The following GORASP2 variants were observed in gnomAD, a reference collection of about 807,000 sequenced individuals.
GORASP2 encodes the protein Golgi reassembly-stacking protein 2.
Under a neutral mutation model 45.7 loss-of-function variants are expected in GORASP2, and 22 were observed. The observed-to-expected ratio is 0.48, with a 90% CI of 0.34 to 0.69. The LOEUF is 0.69. GORASP2 is among the 30% of genes least tolerant of loss of function. The pLI, the probability that GORASP2 is intolerant of heterozygous loss-of-function variation, is 0.01. For synonymous variants in GORASP2, 221 were observed against 215.6 expected, an observed-to-expected ratio of 1.02 and a Z score of -0.22; for missense variants, 491 against 562.7, an observed-to-expected ratio of 0.87 and a Z score of 1.29.
chr2:170,929,687 C>T, intron 1 of GORASP2: 11 of 637,160 alleles, frequency 1.7e-5, no homozygotes, highest in South Asian at 1.4e-4. Context: ...GGGGGGACAA[C>T]CTTGCTCTTT....
At chr2:170,941,167 T>C (rs1704069343) in intron 1 of GORASP2, among the ~76,000 whole-genome samples, 1 of 152,214 alleles carries the variant, frequency 6.6e-6, no homozygotes, top group Non-Finnish European at 1.5e-5. Context: ...TTTTGTAAGC[T>C]AACCTCAGAT....
intron 7 of GORASP2, among the ~76,000 whole-genome samples, chr2:170,957,941 G>A (rs926664401): frequency 6.6e-6 from 1 of 152,116 alleles, no homozygotes; most frequent in East Asian, 1.9e-4. Flanking sequence ...TTACAGGTGC[G>A]AGTCATGGCT....
At chr2:170,936,117 G>A (rs752423241) in intron 1 of GORASP2, among the ~76,000 whole-genome samples, 2 of 151,316 alleles carry the variant, frequency 1.3e-5, no homozygotes, top group Non-Finnish European at 1.5e-5. Flanking sequence ...TGTTCATTTT[G>A]CTTACTTTAA....
intron 8 of GORASP2, among the ~76,000 whole-genome samples, chr2:170,962,094 G>GCAGT (rs1179726308): frequency 6.6e-6 from 1 of 152,214 alleles, no homozygotes; most frequent in African/African-American, 2.4e-5. Context: ...GGATTTCCTG[G>GCAGT]CAGTCATTCG....
intron 1 of GORASP2, among the ~76,000 whole-genome samples, chr2:170,945,333 A>G (rs1048440103): frequency 3.3e-5 from 5 of 151,934 alleles, no homozygotes; most frequent in Admixed American, 3.3e-4. Context: ...ATGGTGGTAC[A>G]CTAGAAAAAA....
chr2:170,950,277 C>T lies in GORASP2; in HGVS notation c.422C>T (p.Thr141Ile). The change falls in exon 4 of 10, where the codon ACA (threonine) becomes ATA (isoleucine). Residue 141 changes from threonine to isoleucine, a missense_variant. Coordinates refer to ENST00000234160, the MANE Select transcript of GORASP2 (RefSeq NM_015530.5). Reference protein sequence around the residue: ...PHSDYIIGADTVMNESEDLFS... With the variant: ...PHSDYIIGADIVMNESEDLFS... ...AGTGATTATATAATTGGAGCAGATA[C>T]AGTCATGAATGAGGTAATTCGTGTG... The T allele has an allele frequency of 6.5e-7, 1 of 1,539,386 alleles. No homozygotes were observed. Among genetic ancestry groups the T allele is most frequent in the Non-Finnish European group, 8.9e-7 (1 of 1,126,666 alleles).
intron 9 of GORASP2, among the ~76,000 whole-genome samples, chr2:170,964,041 A>G (rs1460795004): frequency 6.6e-6 from 1 of 152,230 alleles, no homozygotes; most frequent in Non-Finnish European, 1.5e-5. Context: ...ACTATGGGAA[A>G]TTTTAGCTGG....
chr2:170,964,360 A>G (rs1194269306), intron 9 of GORASP2, among the ~76,000 whole-genome samples: 2 of 152,216 alleles, frequency 1.3e-5, no homozygotes, highest in African/African-American at 4.8e-5. Context: ...AGGTTTAAAA[A>G]TGAAGTACTA....
intron 4 of GORASP2, among the ~76,000 whole-genome samples, chr2:170,950,497 C>T (rs1055443225): frequency 6.6e-6 from 1 of 152,168 alleles, no homozygotes; most frequent in Non-Finnish European, 1.5e-5. Context: ...TACTGTGCGG[C>T]AATTGCACAG....
At chr2:170,935,341 G>A (rs542007857) in intron 1 of GORASP2, among the ~76,000 whole-genome samples, 3 of 151,724 alleles carry the variant, frequency 2.0e-5, no homozygotes, top group African/African-American at 4.8e-5. Flanking sequence ...TGCAACTTCC[G>A]CCACTCCAGT....
chr2:170,963,447 G>A (rs1292515920), intron 9 of GORASP2, among the ~76,000 whole-genome samples: 1 of 143,222 alleles, frequency 7.0e-6, no homozygotes, highest in Admixed American at 7.0e-5. Context: ...TGCTGCTGCT[G>A]CTGCTCCTCC....
At chr2:170,965,018 C>T (rs1704653100) in intron 9 of GORASP2, among the ~76,000 whole-genome samples, 2 of 149,396 alleles carry the variant, frequency 1.3e-5, no homozygotes, top group African/African-American at 4.9e-5. Flanking sequence ...CCTCCCACCT[C>T]AGTGGCCTTG....
chr2:170,944,443 TAGAAAC>T (rs1223252180), intron 1 of GORASP2, among the ~76,000 whole-genome samples: 3 of 152,146 alleles, frequency 2.0e-5, no homozygotes, highest in Non-Finnish European at 4.4e-5. Flanking sequence ...CAAGGGCCAT[TAGAAAC>T]AGAGAGGAAA....
intron 9 of GORASP2, among the ~76,000 whole-genome samples, chr2:170,963,698 G>A (rs1460190269): frequency 6.6e-6 from 1 of 152,080 alleles, no homozygotes; most frequent in Non-Finnish European, 1.5e-5. Context: ...CTGGAGTGCA[G>A]TGGCACCGAT....
intron 2 of GORASP2, 122 bp downstream of exon 2, chr2:170,948,552 T>C: frequency 1.7e-6 from 1 of 598,634 alleles, no homozygotes; most frequent in Non-Finnish European, 2.9e-6. Flanking sequence ...TGCCAATTTA[T>C]AGAAATAATC....
intron 6 of GORASP2, among the ~76,000 whole-genome samples, chr2:170,954,988 G>A (rs1474080128): frequency 2.6e-5 from 4 of 152,138 alleles, no homozygotes; most frequent in Non-Finnish European, 5.9e-5. Context: ...GACAGGGCTA[G>A]AGATGCAGAT....
At chr2:170,929,631 G>A in intron 1 of GORASP2, 1 of 612,332 alleles carries the variant, frequency 1.6e-6, no homozygotes, top group Non-Finnish European at 3.0e-6. Context: ...ACGGGCTGGA[G>A]CTGGAGGCGG....
intron 6 of GORASP2, 82 bp downstream of exon 6, chr2:170,954,864 A>G (rs1704387345): frequency 1.9e-6 from 2 of 1,056,326 alleles, no homozygotes; most frequent in Non-Finnish European, 2.8e-6. Context: ...ATATGGCAGT[A>G]GCACTATGAA....
chr2:170,943,763 C>T (rs1035986160), intron 1 of GORASP2, among the ~76,000 whole-genome samples: 1 of 152,174 alleles, frequency 6.6e-6, no homozygotes, highest in Admixed American at 6.5e-5. Context: ...GTCTCGACCT[C>T]CTGGGCTCGA....
Sources: gnomAD v4.1 joint callset for allele counts (sites outside exome capture counted in the v4.1 genomes callset) on GRCh38, gnomAD v4.1.1 for gene constraint, MANE v1.5 for transcripts, NCBI Gene and HGNC (gene_info 2026-07-23, HGNC 2026-07-21) for gene names.